The following PTPRT variants were observed in gnomAD, a reference collection of about 807,000 sequenced individuals.
PTPRT encodes receptor-type tyrosine-protein phosphatase T.
Under a neutral mutation model 176.8 loss-of-function variants are expected in PTPRT, and 56 were observed. That is an observed-to-expected ratio of 0.32 (90% confidence interval 0.26 to 0.40). The LOEUF is 0.40. Ranked by LOEUF, PTPRT falls within the 10% of genes least tolerant of loss-of-function variation. The probability of loss-of-function intolerance (pLI) is 1.00; values close to 1 mark genes in which losing one functional copy is unlikely to be tolerated. For synonymous variants in PTPRT, 783 were observed against 739.0 expected, an observed-to-expected ratio of 1.06 and a Z score of -0.96; for missense variants, 1,540 against 1,908.2, an observed-to-expected ratio of 0.81 and a Z score of 3.60.
intron 6 of PTPRT, among the ~76,000 whole-genome samples, chr20:42,694,450 C>T (rs1410545064): frequency 1.3e-5 from 2 of 152,096 alleles, no homozygotes. Context: ...ACCATTCTCC[C>T]GTTAAGGGTC....
chr20:42,343,850 A>G (rs2058148306), intron 11 of PTPRT, among the ~76,000 whole-genome samples: 1 of 152,198 alleles, frequency 6.6e-6, no homozygotes, highest in Non-Finnish European at 1.5e-5. Flanking sequence ...ATGGCTGCCC[A>G]TGGCTTAGAG....
At chr20:42,127,920 T>C (rs972391552) in intron 19 of PTPRT, among the ~76,000 whole-genome samples, 1 of 152,236 alleles carries the variant, frequency 6.6e-6, no homozygotes, top group African/African-American at 2.4e-5. Flanking sequence ...AGATAAATCA[T>C]GCCAAAGCTC....
chr20:42,423,151 C>A (rs564326656), intron 9 of PTPRT, among the ~76,000 whole-genome samples: 1 of 135,880 alleles, frequency 7.4e-6, no homozygotes, highest in Non-Finnish European at 1.5e-5. Flanking sequence ...CCATGAAAAC[C>A]TTCACTTGTA....
intron 2 of PTPRT, among the ~76,000 whole-genome samples, chr20:42,834,724 T>C (rs1045131150): frequency 2.0e-5 from 3 of 152,194 alleles, no homozygotes; most frequent in Admixed American, 2.0e-4. Flanking sequence ...CAGATGTTAA[T>C]TTCTTTGGAG....
chr20:43,163,568 G>A (rs943642564), intron 1 of PTPRT, among the ~76,000 whole-genome samples: 1 of 151,868 alleles, frequency 6.6e-6, no homozygotes. Context: ...AACCCAGGAG[G>A]CAGAGCTTGC....
intron 9 of PTPRT, among the ~76,000 whole-genome samples, chr20:42,445,777 C>T (rs2070722705): frequency 6.6e-6 from 1 of 152,182 alleles, no homozygotes; most frequent in Non-Finnish European, 1.5e-5. Flanking sequence ...GCCAACATCC[C>T]TGGCATCTGG....
At position 42,080,244 on chromosome 20, in the gene PTPRT, G is replaced by A. The variant is rs1983182761; in HGVS notation, c.*635C>T. ...GCTGGCCGGCCAGTGAATGCTGGAC[G>A]GTCAAGGCCCAGGCTGGGGAAGGGG... On this transcript the variant is annotated 3_prime_UTR_variant, in exon 31 of 31. Coordinates refer to ENST00000373187, the MANE Select transcript of PTPRT (RefSeq NM_007050.6). 1 of 233,096 alleles carries A rather than the reference G, an allele frequency of 4.3e-6. No individual in the cohort carries two copies. 14.4% of individuals were successfully genotyped at this position (233,096 alleles called of 1,614,324 possible). A position where few individuals can be genotyped will look rare whatever the true frequency, so the allele number is the denominator to read the frequency against.
intron 2 of PTPRT, among the ~76,000 whole-genome samples, chr20:42,884,589 C>T (rs887480824): frequency 6.6e-6 from 1 of 152,142 alleles, no homozygotes; most frequent in African/African-American, 2.4e-5. Context: ...AGCACAGAGG[C>T]AGTATCTGAG....
At chr20:42,278,407 A>G (rs1241182701) in intron 13 of PTPRT, among the ~76,000 whole-genome samples, 1 of 151,794 alleles carries the variant, frequency 6.6e-6, no homozygotes, top group African/African-American at 2.4e-5. Flanking sequence ...CCAGTGTGCC[A>G]GAGTGTAATA....
At chr20:42,829,928 T>C (rs1046085636) in intron 2 of PTPRT, among the ~76,000 whole-genome samples, 5 of 152,110 alleles carry the variant, frequency 3.3e-5, no homozygotes, top group Non-Finnish European at 7.4e-5. Flanking sequence ...AGACCAATAA[T>C]GAGCTCTGAA....
intron 1 of PTPRT, among the ~76,000 whole-genome samples, chr20:42,996,936 C>G (rs1337233364): frequency 6.6e-6 from 1 of 152,160 alleles, no homozygotes; most frequent in Non-Finnish European, 1.5e-5. Context: ...CTGGCATACT[C>G]TTCTGTAATA....
chr20:42,355,990 T>A (rs2058353263), intron 9 of PTPRT, among the ~76,000 whole-genome samples: 1 of 152,208 alleles, frequency 6.6e-6, no homozygotes, highest in Non-Finnish European at 1.5e-5. Flanking sequence ...TAAATCAATG[T>A]ATGTTAATAT....
At chr20:42,445,030 A>G (rs925812082) in intron 9 of PTPRT, among the ~76,000 whole-genome samples, 1 of 152,144 alleles carries the variant, frequency 6.6e-6, no homozygotes, top group Non-Finnish European at 1.5e-5. Flanking sequence ...CGTAATACCC[A>G]TAGGAATCAC....
intron 1 of PTPRT, among the ~76,000 whole-genome samples, chr20:43,083,351 T>TACATATATATATATATATATATATAC (rs1555828987): frequency 5.2e-5 from 6 of 114,290 alleles, no homozygotes; most frequent in African/African-American, 1.7e-4. Context: ...TATATATATA[T>TACATATATATATATATATATATATAC]ATATATATAT....
At chr20:42,206,539 C>T (rs1269995274) in intron 15 of PTPRT, among the ~76,000 whole-genome samples, 3 of 152,298 alleles carry the variant, frequency 2.0e-5, no homozygotes, top group Admixed American at 6.5e-5. Flanking sequence ...CCTGGAAAAT[C>T]GGGTCACTCC....
intron 17 of PTPRT, among the ~76,000 whole-genome samples, chr20:42,149,024 G>A (rs1355912752): frequency 1.3e-5 from 2 of 152,140 alleles, no homozygotes; most frequent in African/African-American, 2.4e-5. Context: ...TCCTCTTCCT[G>A]AAATGTCCCA....
intron 6 of PTPRT, among the ~76,000 whole-genome samples, chr20:42,682,665 G>C (rs1279132338): frequency 6.6e-6 from 1 of 152,172 alleles, no homozygotes; most frequent in Non-Finnish European, 1.5e-5. Flanking sequence ...GATGACATCA[G>C]TGCCTTCCAG....
chr20:43,173,545 G>T (rs1367585489), intron 1 of PTPRT, among the ~76,000 whole-genome samples: 2 of 152,228 alleles, frequency 1.3e-5, no homozygotes, highest in African/African-American at 4.8e-5. Context: ...TGGTTGTCCT[G>T]TGGAGAAAGT....
chr20:42,768,583 G>A (rs533509853), intron 5 of PTPRT, among the ~76,000 whole-genome samples: 1 of 152,174 alleles, frequency 6.6e-6, no homozygotes, highest in Non-Finnish European at 1.5e-5. Context: ...TATTCCACTA[G>A]TGGCTACAAA....
Sources: gnomAD v4.1 joint callset for allele counts (sites outside exome capture counted in the v4.1 genomes callset) on GRCh38, gnomAD v4.1.1 for gene constraint, MANE v1.5 for transcripts, NCBI Gene and HGNC (gene_info 2026-07-23, HGNC 2026-07-21) for gene names.